LRRC7: variants seen among roughly 807,000 people sequenced by gnomAD.
LRRC7 encodes leucine rich repeat containing 7, also known as leucine-rich repeat-containing protein 7.
In LRRC7, 23 loss-of-function variants were observed where a neutral mutation model predicts 175.7. The observed-to-expected ratio is 0.13, with a 90% CI of 0.09 to 0.19. The LOEUF is 0.19. LRRC7 is among the 10% of genes least tolerant of loss of function. The pLI, the probability that LRRC7 is intolerant of heterozygous loss-of-function variation, is 1.00. For missense variants in LRRC7, 1,354 were observed against 1,904.7 expected, an observed-to-expected ratio of 0.71 and a Z score of 5.38; for synonymous variants, 685 against 680.9, an observed-to-expected ratio of 1.01 and a Z score of -0.09.
chr1:69,910,083 T>A (rs1312461253), intron 7 of LRRC7, among the ~76,000 whole-genome samples: 1 of 152,226 alleles, frequency 6.6e-6, no homozygotes, highest in Non-Finnish European at 1.5e-5. Flanking sequence ...GGCTTCTGCA[T>A]TCTTCACGTA....
At chr1:70,096,621 T>A (rs1009064998) in intron 25 of LRRC7, among the ~76,000 whole-genome samples, 3 of 152,132 alleles carry the variant, frequency 2.0e-5, no homozygotes, top group African/African-American at 7.2e-5. Flanking sequence ...GTTCCCTTTG[T>A]CCTCTCTGTC....
At chr1:69,947,040 T>C (rs1649397701) in intron 8 of LRRC7, among the ~76,000 whole-genome samples, 1 of 151,976 alleles carries the variant, frequency 6.6e-6, no homozygotes, top group African/African-American at 2.4e-5. Context: ...ATCGCACCAC[T>C]GCACTCCAGC....
intron 1 of LRRC7, among the ~76,000 whole-genome samples, chr1:69,605,556 G>T (rs1173910972): frequency 6.6e-6 from 1 of 152,158 alleles, no homozygotes; most frequent in Admixed American, 6.5e-5. Context: ...TTTAGAAGTA[G>T]TTCTGTTAAG....
chr1:69,781,860 A>G (rs57855716), intron 3 of LRRC7, among the ~76,000 whole-genome samples: 2 of 109,402 alleles, frequency 1.8e-5, no homozygotes, highest in African/African-American at 8.0e-5. Flanking sequence ...AGAAAGAAAG[A>G]GAAGGAAGGA....
At chr1:69,748,004 G>T (rs969804945) in intron 2 of LRRC7, among the ~76,000 whole-genome samples, 1 of 152,026 alleles carries the variant, frequency 6.6e-6, no homozygotes, top group Non-Finnish European at 1.5e-5. Flanking sequence ...ACATTAAGCA[G>T]GCTTGTATGT....
At chr1:69,877,423 A>G (rs1686140264) in intron 7 of LRRC7, among the ~76,000 whole-genome samples, 1 of 152,178 alleles carries the variant, frequency 6.6e-6, no homozygotes, top group African/African-American at 2.4e-5. Context: ...ACTGCACTCC[A>G]GCCTGGGCAA....
chr1:70,017,373 G>C (rs898184700), intron 14 of LRRC7, among the ~76,000 whole-genome samples: 2 of 151,736 alleles, frequency 1.3e-5, no homozygotes, highest in African/African-American at 4.8e-5. Flanking sequence ...GATTTTAATT[G>C]AATCAGTAAT....
intron 15 of LRRC7, among the ~76,000 whole-genome samples, chr1:70,019,838 A>G (rs1657297429): frequency 6.6e-6 from 1 of 152,046 alleles, no homozygotes; most frequent in East Asian, 1.9e-4. Context: ...ATCTTAAGTA[A>G]GGATTATGTT....
chr1:69,769,875 A>G (rs978311348), intron 3 of LRRC7, among the ~76,000 whole-genome samples: 1 of 152,206 alleles, frequency 6.6e-6, no homozygotes, highest in Non-Finnish European at 1.5e-5. Context: ...CAGTTGTGTC[A>G]GTTAGTTTTT....
At chr1:69,756,395 G>A (rs909798643) in intron 2 of LRRC7, among the ~76,000 whole-genome samples, 14 of 151,674 alleles carry the variant, frequency 9.2e-5, no homozygotes, top group African/African-American at 3.4e-4. Context: ...ACAGAATGCA[G>A]GATAAATGCT....
chr1:69,690,187 T>C (rs1661667243), intron 2 of LRRC7, among the ~76,000 whole-genome samples: 1 of 152,178 alleles, frequency 6.6e-6, no homozygotes, highest in South Asian at 2.1e-4. Context: ...TTTTTAAAGA[T>C]CCATTGCCAC....
intron 1 of LRRC7, among the ~76,000 whole-genome samples, chr1:69,585,316 T>C (rs1183940999): frequency 6.6e-6 from 1 of 152,126 alleles, no homozygotes; most frequent in Non-Finnish European, 1.5e-5. Context: ...AAATATGTAA[T>C]CATTAAAGAT....
chr1:69,672,354 G>A (rs1002006934), intron 1 of LRRC7, among the ~76,000 whole-genome samples: 9 of 152,178 alleles, frequency 5.9e-5, no homozygotes, highest in Non-Finnish European at 2.9e-5. Flanking sequence ...TTATTGGACA[G>A]CACAGATATT....
At chr1:70,041,830 C>T (rs150406883) in intron 21 of LRRC7, among the ~76,000 whole-genome samples, 7 of 152,242 alleles carry the variant, frequency 4.6e-5, no homozygotes, top group African/African-American at 1.4e-4. Context: ...GAAAAGTGGG[C>T]GACTCCTCTA....
chr1:69,828,134 T>G (rs993019474), intron 5 of LRRC7, among the ~76,000 whole-genome samples: 9 of 152,140 alleles, frequency 5.9e-5, no homozygotes, highest in African/African-American at 1.9e-4. Flanking sequence ...CCAGGTAGTA[T>G]TCCATTGTAT....
intron 8 of LRRC7, among the ~76,000 whole-genome samples, chr1:69,943,018 A>G (rs2101802809): frequency 6.6e-6 from 1 of 152,194 alleles, no homozygotes; most frequent in Middle Eastern, 3.4e-3. Flanking sequence ...GTGTTAGTAT[A>G]TTTTTATATG....
intron 8 of LRRC7, among the ~76,000 whole-genome samples, chr1:69,953,501 C>G (rs1650165050): frequency 6.6e-6 from 1 of 151,968 alleles, no homozygotes; most frequent in African/African-American, 2.4e-5. Context: ...TTTCCCTTCT[C>G]CCTCCTCTAC....
rs1001174695 is a variant in LRRC7, at chr1:70,135,461, G to C, written c.*13574G>C. Among the ~76,000 whole-genome samples the C allele has an allele frequency of 6.6e-6, 1 of 152,142 alleles. No homozygotes were observed. The highest frequency in any genetic ancestry group is 2.4e-5 in the African/African-American group (1 of 41,408). ...GGAAATATCATCTAGGCTGGGTTGG[G>C]GTGCAGGACCCCCAGCAGCTGTGGG... On this transcript the variant is annotated 3_prime_UTR_variant, in exon 27 of 27. Coordinates refer to ENST00000651989, the MANE Select transcript of LRRC7 (RefSeq NM_001370785.2).
intron 1 of LRRC7, among the ~76,000 whole-genome samples, chr1:69,619,692 A>G (rs1650247490): frequency 6.6e-6 from 1 of 152,212 alleles, no homozygotes; most frequent in African/African-American, 2.4e-5. Context: ...AAATGGGTTC[A>G]AGTGAAAATT....
Sources: gnomAD v4.1 joint callset for allele counts (sites outside exome capture counted in the v4.1 genomes callset) on GRCh38, gnomAD v4.1.1 for gene constraint, MANE v1.5 for transcripts, NCBI Gene and HGNC (gene_info 2026-07-23, HGNC 2026-07-21) for gene names.